DBNL: variants seen among roughly 807,000 people sequenced by gnomAD.
The protein encoded by DBNL is drebrin-like protein.
In DBNL, 35 loss-of-function variants were observed where a neutral mutation model predicts 62.2. The observed-to-expected ratio is 0.56, with a 90% confidence interval of 0.43 to 0.75. The LOEUF (loss-of-function observed/expected upper bound fraction) is 0.75. Among genes scored for constraint, DBNL ranks in the 30% least tolerant of loss-of-function variants. The pLI is 0.00. For missense variants in DBNL, 495 were observed against 578.4 expected (o/e 0.86, Z 1.48); for synonymous variants, 197 against 218.0 (o/e 0.90, Z 0.85).
chr7:44,060,684 T>G lies in DBNL; in HGVS notation c.1154-93T>G. Reference sequence around the variant, plus strand: ...GAGGAACCAGAGCTGCAGCGAGGTGTGCTGCAGCAGTGTGGGGCTGCCGTG... The same window carrying G: ...GAGGAACCAGAGCTGCAGCGAGGTGGGCTGCAGCAGTGTGGGGCTGCCGTG... On this transcript the variant is annotated intron_variant, in intron 12 of 12. Coordinates refer to ENST00000448521, the MANE Select transcript of DBNL (RefSeq NM_001014436.3). This position sits in a 1 kb window ranked among gnomAD's most constrained non-coding sequence, Gnocchi z 6.3. 6.6e-7 allele frequency: 1 copy of G among 1,511,730 alleles called. No individual in the cohort carries two copies. The highest frequency in any genetic ancestry group is 9.0e-7 in the Non-Finnish European group (1 of 1,114,004). The allele number at this position is 1,511,730 out of a possible 1,614,324, so 93.6% of individuals were successfully genotyped here. A position where few individuals can be genotyped will look rare whatever the true frequency, so the allele number is the denominator to read the frequency against.
rs1157327843 is a variant in DBNL at position 44,062,625 on chromosome 7, G to GT, written c.*1710dup. On this transcript the variant is annotated 3_prime_UTR_variant, in exon 13 of 13. Coordinates refer to ENST00000448521, the MANE Select transcript of DBNL (RefSeq NM_001014436.3). Reference sequence around the variant, plus strand: ...TAGGCTCCTGCCCCTGGTGACACACGTATGGAGTGGGGGAGGGTGGGTGGC... The same window carrying GT: ...TAGGCTCCTGCCCCTGGTGACACACGTTATGGAGTGGGGGAGGGTGGGTGGC... The GT allele has an allele frequency of 1.2e-6, 1 of 830,910 alleles. No individual in the cohort carries two copies. The highest frequency in any genetic ancestry group is 2.7e-5 in the East Asian group (1 of 37,664). 51.5% of individuals were successfully genotyped at this position (830,910 alleles called of 1,614,324 possible). A position where few individuals can be genotyped will look rare whatever the true frequency, so the allele number is the denominator to read the frequency against.
rs1379798319 is a variant in DBNL, at chr7:44,065,348, T to C, written c.*4432T>C. 6 of 1,613,886 alleles carry C rather than the reference T, an allele frequency of 3.7e-6. No individual in the cohort carries two copies. The highest frequency in any genetic ancestry group is 5.1e-6 in the Non-Finnish European group (6 of 1,180,042). ...GGCCCAGAGGGTGCGGATGGCCCGC[T>C]TCAGCACTGACGTGTAGCAGATGTC... On this transcript the variant is annotated 3_prime_UTR_variant, in exon 13 of 13. Coordinates refer to ENST00000448521, the MANE Select transcript of DBNL (RefSeq NM_001014436.3).
Position 44,064,797 on chromosome 7 carries a change from A to ACC in DBNL, c.*3883_*3884dup. ...GAGAAGCCAGCTGGGGCTGCTGCCC[A>ACC]CCCACCCTGCCCAGGCTCCTGAAGG... On this transcript the variant is annotated 3_prime_UTR_variant, in exon 13 of 13. Coordinates refer to ENST00000448521, the MANE Select transcript of DBNL (RefSeq NM_001014436.3). 2 of 633,306 alleles carry ACC rather than the reference A, an allele frequency of 3.2e-6. No homozygotes were observed. Among genetic ancestry groups the ACC allele is most frequent in the Non-Finnish European group, 5.5e-6 (2 of 361,384 alleles). The allele number at this position is 633,306 out of a possible 1,614,324, so 39.2% of individuals were successfully genotyped here.
At chr7:44,049,965 CA>C in intron 1 of DBNL, 1 of 445,360 alleles carries the variant, frequency 2.2e-6, no homozygotes, top group Non-Finnish European at 4.2e-6. Context: ...CTCCCATCTC[CA>C]TGGCTTTGTC....
In DBNL at chr7:44,058,425, C is replaced by G; in HGVS notation, c.705-7C>G. 1 of 1,614,216 alleles carries G rather than the reference C, an allele frequency of 6.2e-7. No homozygotes were observed. The highest frequency in any genetic ancestry group is 1.1e-5 in the South Asian group (1 of 91,086). On this transcript the variant is annotated splice_polypyrimidine_tract_variant and splice_region_variant and intron_variant, in intron 7 of 12. Transcript: ENST00000448521. The stretch of plus-strand genomic sequence containing the variant: ...TCAGCTGTGCCCCACCCGGCCCTTC[C>G]CAGCAGGACGTGGGAGCAGCAGCAA...
intron 4 of DBNL, among the ~76,000 whole-genome samples, chr7:44,053,367 C>T (rs931276754): frequency 6.6e-6 from 1 of 152,182 alleles, no homozygotes; most frequent in African/African-American, 2.4e-5. Flanking sequence ...TTATGTCAGT[C>T]CTATAATAGA....
intron 4 of DBNL, 73 bp downstream of exon 4, chr7:44,053,014 G>A (rs2096129384): frequency 3.2e-6 from 5 of 1,542,026 alleles, no homozygotes; most frequent in South Asian, 1.2e-5. Context: ...TCCTGGGTGC[G>A]AGCAAGTGGG....
chr7:44,052,827 G>T (rs1027150950), intron 3 of DBNL, 40 bp from the exon 4 acceptor site: 1 of 1,611,258 alleles, frequency 6.2e-7, no homozygotes. Context: ...AAGTGGCTTT[G>T]GGGGAGGCCT....
At chr7:44,053,982 CTG>C (rs2096131442) in intron 4 of DBNL, among the ~76,000 whole-genome samples, 1 of 152,042 alleles carries the variant, frequency 6.6e-6, no homozygotes, top group African/African-American at 2.4e-5. Context: ...AGCCCAGAAT[CTG>C]AGATTTTTTG....
In DBNL at chr7:44,065,509, C is replaced by T; in HGVS notation, c.*4593C>T. ...ATGTGCTCTCGCCGTGCCGGACCAT[C>T]ACGAGGCGGTGAGTGGCCATGGTGG... On this transcript the variant is annotated 3_prime_UTR_variant, in exon 13 of 13. Transcript: ENST00000448521. The T allele has an allele frequency of 3.7e-6, 6 of 1,614,084 alleles. No homozygotes were observed. The highest frequency in any genetic ancestry group is 5.1e-6 in the Non-Finnish European group (6 of 1,180,050).
Position 44,060,502 on chromosome 7 carries a change from G to C in DBNL, c.1154-275G>C, listed in dbSNP as rs112766900. Among the ~76,000 whole-genome samples the C allele has an allele frequency of 2.6e-4, 40 of 152,256 alleles. No homozygotes were observed. Among genetic ancestry groups the C allele is most frequent in the African/African-American group, 8.4e-4 (35 of 41,528 alleles). On this transcript the variant is annotated intron_variant, in intron 12 of 12. Coordinates refer to ENST00000448521, the MANE Select transcript of DBNL (RefSeq NM_001014436.3). The surrounding 1 kb of genome is among the most constrained non-coding windows in gnomAD (Gnocchi z 6.3). ...CCTGGGTGGAGGCCTTGGAGAATGGGGTGGAGGCCCCCTACGGAGCAGGCT... is the reference window on the plus strand; with the variant it reads ...CCTGGGTGGAGGCCTTGGAGAATGGCGTGGAGGCCCCCTACGGAGCAGGCT...
At chr7:44,050,180 G>T in intron 1 of DBNL, 45 bp from the exon 2 acceptor site, 2 of 1,606,514 alleles carry the variant, frequency 1.2e-6, no homozygotes, top group South Asian at 2.2e-5. Context: ...AGGAGAGATG[G>T]AACCCAAGGT....
chr7:44,060,873 A>G lies in DBNL; in HGVS notation c.1250A>G (p.His417Arg), dbSNP rs374227335. ...TGGCGTGGCTATGGGCCGGATGGCC[A>G]TTTTGGCATGTTCCCTGCCAACTAC... Reference protein sequence around the residue: ...GWWRGYGPDGHFGMFPANYVE... With the variant: ...GWWRGYGPDGRFGMFPANYVE... Residue 417 changes from histidine to arginine, a missense_variant, in exon 13 of 13, where the codon CAT (histidine) becomes CGT (arginine). Coordinates refer to ENST00000448521, the MANE Select transcript of DBNL (RefSeq NM_001014436.3). This position sits in a 1 kb window ranked among gnomAD's most constrained non-coding sequence, Gnocchi z 6.3. 5 of 1,614,044 alleles carry G rather than the reference A, an allele frequency of 3.1e-6. No homozygotes were observed. Among genetic ancestry groups the G allele is most frequent in the Non-Finnish European group, 3.4e-6 (4 of 1,179,978 alleles).
rs1314268668 is a variant in DBNL at position 44,063,975 on chromosome 7, T to G, written c.*3059T>G. 6.5e-6 allele frequency: 1 copy of G among 152,792 alleles called. No individual in the cohort carries two copies. Among genetic ancestry groups the G allele is most frequent in the Non-Finnish European group, 1.5e-5 (1 of 68,514 alleles). 9.5% of individuals were successfully genotyped at this position (152,792 alleles called of 1,614,324 possible). On this transcript the variant is annotated 3_prime_UTR_variant, in exon 13 of 13. Coordinates refer to ENST00000448521, the MANE Select transcript of DBNL (RefSeq NM_001014436.3). ...GTGTCCGTGTTTGGAGCGGGCAGGC[T>G]TGGGGCTGGCTGGGTCTCCGGGGCC...
At position 44,062,166 on chromosome 7, in the gene DBNL, C is replaced by T. The variant is rs1191841417; in HGVS notation, c.*1250C>T. On this transcript the variant is annotated 3_prime_UTR_variant, in exon 13 of 13. Coordinates refer to ENST00000448521, the MANE Select transcript of DBNL (RefSeq NM_001014436.3). ...CATGGAGCCCAACCTTGCTCCTGGC[C>T]TTCCTGTGCTCAGGCCTCTCCCCTT... is the stretch of plus-strand genomic sequence containing the variant. The T allele has an allele frequency of 6.1e-6, 1 of 164,778 alleles. No individual in the cohort carries two copies. The highest frequency in any genetic ancestry group is 2.4e-5 in the African/African-American group (1 of 41,636). The allele number at this position is 164,778 out of a possible 1,614,324, so 10.2% of individuals were successfully genotyped here.
At position 44,058,107 on chromosome 7, in the gene DBNL, C is replaced by T. The variant is rs571564652; in HGVS notation, c.553-22C>T. The T allele has an allele frequency of 3.9e-5, 61 of 1,551,526 alleles. No individual in the cohort carries two copies. The South Asian group carries it at 4.8e-4, about 12-fold the overall frequency. ...GCTGAAGTGGCAGCATAGGGCTGAG[C>T]GGGCAGTGGCTCTCCCTGCAGAAGG... On this transcript the variant is annotated intron_variant, in intron 6 of 12. Transcript: ENST00000448521.
rs887268690 is a variant in DBNL, at chr7:44,045,081, C to T, written c.83+261C>T. On this transcript the variant is annotated intron_variant, in intron 1 of 12. Transcript: ENST00000448521. The stretch of plus-strand genomic sequence containing the variant: ...AGTCCCCGCCCCTCCCCCTGTCGCT[C>T]GCCACCCACTGTGGGCTTCGCGGGC... Among the ~76,000 whole-genome samples the T allele has an allele frequency of 5.9e-5, 9 of 152,342 alleles. No homozygotes were observed. The East Asian group carries it at 1.2e-3, about 20-fold the overall frequency.
chr7:44,059,021 C>T lies in DBNL; in HGVS notation c.835+38C>T, dbSNP rs1367718681. ...TTTGGGCCTGGCCATGAGGCAGCAG[C>T]AGGCTGAGGGGGAGCCTGGGGTCCT... On this transcript the variant is annotated intron_variant, in intron 9 of 12. Coordinates refer to ENST00000448521, the MANE Select transcript of DBNL (RefSeq NM_001014436.3). This position sits in a 1 kb window ranked among gnomAD's most constrained non-coding sequence, Gnocchi z 4.1. The T allele has an allele frequency of 6.2e-7, 1 of 1,608,270 alleles. No homozygotes were observed. The highest frequency in any genetic ancestry group is 1.3e-5 in the African/African-American group (1 of 74,776).
intron 1 of DBNL, among the ~76,000 whole-genome samples, chr7:44,047,342 C>T (rs1430027753): frequency 6.6e-6 from 1 of 152,164 alleles, no homozygotes; most frequent in Non-Finnish European, 1.5e-5. Context: ...AAGAGGTGGT[C>T]TCTAGTTTGG....
Sources: allele counts gnomAD v4.1 joint callset (sites outside exome capture counted in the v4.1 genomes callset), GRCh38; gene constraint gnomAD v4.1.1; non-coding constraint Gnocchi (gnomAD v3.1); transcripts MANE v1.5; gene names NCBI Gene and HGNC (gene_info 2026-07-23, HGNC 2026-07-21).